Variants in STK24 observed in about 807,000 individuals in gnomAD.
STK24 encodes serine/threonine kinase 24, also known as serine/threonine-protein kinase 24.
In STK24, 21 loss-of-function variants were observed where a neutral mutation model predicts 55.6. The ratio of observed to expected loss-of-function variants is 0.38; its 90% CI spans 0.27 to 0.54. STK24 has a LOEUF of 0.54. Ranked by LOEUF, STK24 falls within the 20% of genes least tolerant of loss-of-function variation. STK24 has a pLI of 0.79. For missense variants in STK24, 383 were observed against 538.4 expected (o/e 0.71, Z 2.86); for synonymous variants, 200 against 215.2 (o/e 0.93, Z 0.62).
chr13:98,570,455 A>G (rs1406957190), intron 1 of STK24, among the ~76,000 whole-genome samples: 1 of 152,254 alleles, frequency 6.6e-6, no homozygotes, highest in Non-Finnish European at 1.5e-5. Context: ...GAGACTTAAA[A>G]TAATAGGAAG....
chr13:98,477,189 C>T (rs978444880), intron 3 of STK24, among the ~76,000 whole-genome samples: 8 of 152,200 alleles, frequency 5.3e-5, no homozygotes, highest in Non-Finnish European at 1.0e-4. Context: ...GAAAACTATG[C>T]CTTAAGTCAG....
rs1892851259 is a variant in STK24 at position 98,446,606 on chromosome 13, C to G, written c.*6567G>C. 5 of 1,562,880 alleles carry G rather than the reference C, an allele frequency of 3.2e-6. No homozygotes were observed. Among genetic ancestry groups the G allele is most frequent in the Non-Finnish European group, 2.6e-6 (3 of 1,138,822 alleles). Reference sequence around the variant, plus strand: ...GTCCCTGTCTGATGCGGGGCAGCAGCCAGGCCCAGCAGCAGAAGCTGACCC... The same window carrying G: ...GTCCCTGTCTGATGCGGGGCAGCAGGCAGGCCCAGCAGCAGAAGCTGACCC... On this transcript the variant is annotated 3_prime_UTR_variant, in exon 11 of 11. Coordinates refer to ENST00000539966, the MANE Select transcript of STK24 (RefSeq NM_001032296.4).
chr13:98,519,844 T>C (rs1284725419), intron 1 of STK24, among the ~76,000 whole-genome samples: 1 of 152,198 alleles, frequency 6.6e-6, no homozygotes, highest in African/African-American at 2.4e-5. Flanking sequence ...TAAGCAAAAA[T>C]TCACTTTTCT....
intron 2 of STK24, among the ~76,000 whole-genome samples, chr13:98,500,144 T>C (rs1370269082): frequency 2.0e-5 from 3 of 152,250 alleles, no homozygotes; most frequent in Admixed American, 6.5e-5. Context: ...AACATTAATA[T>C]GCTATTTCAG....
rs1893240839 is a variant in STK24 at position 98,452,348 on chromosome 13, TTATAA to T, written c.*820_*824del. The T allele has an allele frequency of 6.6e-6, 1 of 152,432 alleles. No homozygotes were observed. The highest frequency in any genetic ancestry group is 1.5e-5 in the Non-Finnish European group (1 of 68,012). 9.4% of individuals were successfully genotyped at this position (152,432 alleles called of 1,614,324 possible). On this transcript the variant is annotated 3_prime_UTR_variant, in exon 11 of 11. Transcript: ENST00000539966. ...GCGCTTCATGGGGAGAAACTGAAAA[TTATAA>T]TTTAAAGCTTCATGAGGCAAGATAT...
chr13:98,576,199 G>A (rs1201167181), intron 1 of STK24: 10 of 985,238 alleles, frequency 1.0e-5, no homozygotes, highest in Non-Finnish European at 1.1e-5. Flanking sequence ...TGGAACTCGC[G>A]GTTACCTTCC....
At chr13:98,557,538 G>C (rs939272900) in intron 1 of STK24, among the ~76,000 whole-genome samples, 1 of 152,180 alleles carries the variant, frequency 6.6e-6, no homozygotes, top group Non-Finnish European at 1.5e-5. Context: ...GTTCGATCTG[G>C]CATCAGCTTT....
intron 9 of STK24, among the ~76,000 whole-genome samples, chr13:98,459,689 C>T (rs117952203): frequency 0.014 from 2,149 of 152,362 alleles, 22 homozygotes; most frequent in Non-Finnish European, 0.023. Flanking sequence ...AAGATCCCCA[C>T]GCAAACAGAT....
At chr13:98,473,363 G>C (rs1340000807) in intron 5 of STK24, among the ~76,000 whole-genome samples, 1 of 148,840 alleles carries the variant, frequency 6.7e-6, no homozygotes, top group East Asian at 2.0e-4. Flanking sequence ...AATGAGAAGA[G>C]AATAATCGAG....
In STK24 at chr13:98,453,184, A is replaced by G. The variant is rs552813433; in HGVS notation, c.1285T>C (p.Ser429Pro). The G allele has an allele frequency of 2.7e-5, 44 of 1,613,708 alleles. No homozygotes were observed. The South Asian group carries it at 4.5e-4, about 17-fold the overall frequency. ...QRYSLSGGGTSSH is the reference protein window; with the variant it reads ...QRYSLSGGGTPSH ...ATGCCAAAGGAATTTCAGTGGGATG[A>G]AGTTCCTCCACCACTTAGAGAGTAT... The change falls in exon 11 of 11, where the codon TCA (serine) becomes CCA (proline). Residue 429 changes from serine (S) to proline (P), a missense_variant. By Grantham distance (74) the Ser-to-Pro change is moderately conservative. Coordinates refer to ENST00000539966, the MANE Select transcript of STK24 (RefSeq NM_001032296.4).
At chr13:98,562,482 A>C (rs1897449417) in intron 1 of STK24, among the ~76,000 whole-genome samples, 1 of 152,198 alleles carries the variant, frequency 6.6e-6, no homozygotes, top group Non-Finnish European at 1.5e-5. Flanking sequence ...AATTACTACT[A>C]CTCTGACATA....
chr13:98,552,874 C>A (rs1049403268), intron 1 of STK24, among the ~76,000 whole-genome samples: 1 of 152,186 alleles, frequency 6.6e-6, no homozygotes, highest in Admixed American at 6.5e-5. Context: ...CTGTAGGACG[C>A]TCCAGTGGTG....
In STK24 at chr13:98,448,804, A is replaced by ATTTTT. The variant is rs371664583; in HGVS notation, c.*4364_*4368dup. 2.5e-5 allele frequency: 2 copies of ATTTTT among 80,040 alleles called. No homozygotes were observed. Among genetic ancestry groups the ATTTTT allele is most frequent in the Non-Finnish European group, 3.7e-5 (1 of 27,252 alleles). The allele number at this position is 80,040 out of a possible 1,614,324, so 5.0% of individuals were successfully genotyped here. On this transcript the variant is annotated 3_prime_UTR_variant, in exon 11 of 11. Transcript: ENST00000539966. ...GCAAATGAGATCATTTTCAGATTTCATTTTTTTTTTCAGTCTTTCTACTTT... is the reference window on the plus strand; with the variant it reads ...GCAAATGAGATCATTTTCAGATTTCATTTTTTTTTTTTTTTCAGTCTTTCTACTTT...
At chr13:98,472,049 C>T (rs1594585706) in intron 5 of STK24, among the ~76,000 whole-genome samples, 1 of 152,180 alleles carries the variant, frequency 6.6e-6, no homozygotes, top group African/African-American at 2.4e-5. Context: ...GCACTGGCTG[C>T]CTGGCAGGCA....
In STK24 at chr13:98,452,963, G is replaced by T; in HGVS notation, c.*210C>A. 2.1e-6 allele frequency: 1 copy of T among 476,042 alleles called. No homozygotes were observed. The highest frequency in any genetic ancestry group is 3.8e-5 in the Admixed American group (1 of 26,204). The allele number at this position is 476,042 out of a possible 1,614,324, so 29.5% of individuals were successfully genotyped here. ...AATAAAATAAAATGATCGCTGGAAG[G>T]AGCTGACCCTCCCCACCCATCTGAG... On this transcript the variant is annotated 3_prime_UTR_variant, in exon 11 of 11. Transcript: ENST00000539966.
intron 1 of STK24, among the ~76,000 whole-genome samples, chr13:98,538,514 C>G (rs1184008034): frequency 6.6e-6 from 1 of 152,028 alleles, no homozygotes; most frequent in Non-Finnish European, 1.5e-5. Flanking sequence ...CATGAGCCAC[C>G]GCGGCTTGGT....
At chr13:98,572,687 A>T (rs775178036) in intron 1 of STK24, among the ~76,000 whole-genome samples, 1 of 151,818 alleles carries the variant, frequency 6.6e-6, no homozygotes, top group Non-Finnish European at 1.5e-5. Context: ...GAAAAACAGA[A>T]GGGGAACGAG....
At chr13:98,539,683 T>C (rs1332728411) in intron 1 of STK24, among the ~76,000 whole-genome samples, 2 of 152,228 alleles carry the variant, frequency 1.3e-5, no homozygotes, top group Non-Finnish European at 2.9e-5. Flanking sequence ...TTTTACTGCT[T>C]TGTATTAAAA....
At chr13:98,525,723 G>A (rs919177245) in intron 1 of STK24, among the ~76,000 whole-genome samples, 6 of 152,144 alleles carry the variant, frequency 3.9e-5, no homozygotes, top group African/African-American at 1.4e-4. Flanking sequence ...TCACACTGAT[G>A]AGCCCTGGGG....
Sources: gnomAD v4.1 joint callset for allele counts (sites outside exome capture counted in the v4.1 genomes callset) on GRCh38, gnomAD v4.1.1 for gene constraint, MANE v1.5 for transcripts, NCBI Gene and HGNC (gene_info 2026-07-23, HGNC 2026-07-21) for gene names.